The following PLCB1 variants were observed in gnomAD, a reference collection of about 807,000 sequenced individuals.
The protein encoded by PLCB1 is phospholipase C beta 1.
In PLCB1, 46 loss-of-function variants were observed where a neutral mutation model predicts 161.8. The ratio of observed to expected loss-of-function variants is 0.28; its 90% CI spans 0.22 to 0.36. The LOEUF is 0.36. Ranked by LOEUF, PLCB1 falls within the 10% of genes least tolerant of loss-of-function variation. The pLI is 1.00. For missense variants in PLCB1, 1,016 were observed against 1,472.5 expected (o/e 0.69, Z 5.07); for synonymous variants, 517 against 503.7 (o/e 1.03, Z -0.35).
intron 2 of PLCB1, among the ~76,000 whole-genome samples, chr20:8,344,210 A>G (rs537546720): frequency 1.6e-4 from 25 of 152,332 alleles, no homozygotes; most frequent in African/African-American, 5.8e-4. Flanking sequence ...CTTCAAGTGC[A>G]GTCCATAAAG....
At chr20:8,535,373 A>G (rs901415661) in intron 3 of PLCB1, among the ~76,000 whole-genome samples, 2 of 152,174 alleles carry the variant, frequency 1.3e-5, no homozygotes, top group African/African-American at 2.4e-5. Context: ...TCAGAAAACT[A>G]TAAGGCTTTT....
At chr20:8,714,106 C>T (rs1243548335) in intron 12 of PLCB1, among the ~76,000 whole-genome samples, 1 of 152,034 alleles carries the variant, frequency 6.6e-6, no homozygotes, top group African/African-American at 2.4e-5. Flanking sequence ...GCTGACTTAC[C>T]TTAATCAATC....
At chr20:8,705,998 A>G (rs1978649330) in intron 11 of PLCB1, among the ~76,000 whole-genome samples, 1 of 152,244 alleles carries the variant, frequency 6.6e-6, no homozygotes, top group African/African-American at 2.4e-5. Context: ...AAAGCAATAA[A>G]AAGACTGTCA....
chr20:8,405,855 T>A (rs1978763950), intron 3 of PLCB1, among the ~76,000 whole-genome samples: 1 of 152,204 alleles, frequency 6.6e-6, no homozygotes, highest in Non-Finnish European at 1.5e-5. Flanking sequence ...TTATTTATAA[T>A]CATTATATCC....
chr20:8,316,057 T>G (rs2122140316), intron 2 of PLCB1, among the ~76,000 whole-genome samples: 1 of 152,266 alleles, frequency 6.6e-6, no homozygotes, highest in East Asian at 1.9e-4. Flanking sequence ...ATCTTGGCAG[T>G]TTTACTCACC....
chr20:8,403,857 A>T (rs781121626), intron 3 of PLCB1, among the ~76,000 whole-genome samples: 1 of 152,202 alleles, frequency 6.6e-6, no homozygotes, highest in Non-Finnish European at 1.5e-5. Flanking sequence ...CAGGAGACTA[A>T]CCATATGGGA....
At chr20:8,302,503 TTATC>T (rs1306407540) in intron 2 of PLCB1, among the ~76,000 whole-genome samples, 13 of 152,326 alleles carry the variant, frequency 8.5e-5, no homozygotes, top group Admixed American at 2.0e-4. Flanking sequence ...TAATTATACT[TTATC>T]TAATGTCAGG....
At chr20:8,822,042 T>C (rs142588146) in intron 31 of PLCB1, among the ~76,000 whole-genome samples, 55 of 152,252 alleles carry the variant, frequency 3.6e-4, no homozygotes, top group African/African-American at 1.0e-3. Context: ...TCCTTTTTTT[T>C]TTCTTTTAAT....
At chr20:8,871,081 C>T (rs189530055) in intron 31 of PLCB1, among the ~76,000 whole-genome samples, 53 of 152,304 alleles carry the variant, frequency 3.5e-4, no homozygotes, top group Non-Finnish European at 6.2e-4. Flanking sequence ...TACCTTGTCA[C>T]TTTTAATGTG....
intron 23 of PLCB1, among the ~76,000 whole-genome samples, chr20:8,742,086 T>C (rs1021116886): frequency 4.7e-4 from 71 of 152,162 alleles, no homozygotes; most frequent in Admixed American, 4.6e-3. Context: ...CTGCAAATAA[T>C]TGATATATTA....
intron 2 of PLCB1, among the ~76,000 whole-genome samples, chr20:8,288,352 A>AT (rs1409963600): frequency 6.6e-6 from 1 of 152,138 alleles, no homozygotes; most frequent in East Asian, 1.9e-4. Flanking sequence ...AGAAGTTACT[A>AT]TTTTTTGTCA....
intron 1 of PLCB1, among the ~76,000 whole-genome samples, chr20:8,138,881 G>A (rs2051374265): frequency 6.6e-6 from 1 of 151,822 alleles, no homozygotes; most frequent in South Asian, 2.1e-4. Context: ...ATTTCAATTT[G>A]TATTCCAAAA....
intron 10 of PLCB1, among the ~76,000 whole-genome samples, chr20:8,689,865 C>T (rs1212566518): frequency 1.3e-5 from 2 of 149,158 alleles, no homozygotes; most frequent in Admixed American, 6.7e-5. Context: ...GGCATATTAA[C>T]AGCTAATCAG....
At chr20:8,752,799 A>C (rs1204932502) in intron 23 of PLCB1, among the ~76,000 whole-genome samples, 2 of 152,066 alleles carry the variant, frequency 1.3e-5, no homozygotes, top group African/African-American at 4.8e-5. Flanking sequence ...TCTCAAAAAA[A>C]AAAAAAAAAG....
intron 3 of PLCB1, among the ~76,000 whole-genome samples, chr20:8,571,378 A>G (rs6039199): frequency 0.1 from 15,869 of 152,148 alleles, 1,078 homozygotes; most frequent in African/African-American, 0.17. Context: ...GCTACTCGGG[A>G]AGCTGAGGCA....
chr20:8,770,008 A>G lies in PLCB1; in HGVS notation c.2931-4531A>G, dbSNP rs1161214281. ...CACTCTGTCATCCAGGCTGGAGTGC[A>G]GTGGTGCGATCTCGGCTCACTGCAA... On this transcript the variant is annotated intron_variant, in intron 26 of 31. Coordinates refer to ENST00000338037, the MANE Select transcript of PLCB1 (RefSeq NM_015192.4). Among the ~76,000 whole-genome samples the G allele has an allele frequency of 4.7e-5, 7 of 147,862 alleles. No individual in the cohort carries two copies. The East Asian group carries it at 1.4e-3, about 29-fold the overall frequency.
chr20:8,456,276 A>G (rs1248396567), intron 3 of PLCB1, among the ~76,000 whole-genome samples: 1 of 152,238 alleles, frequency 6.6e-6, no homozygotes, highest in Non-Finnish European at 1.5e-5. Flanking sequence ...AGCTTGTTAC[A>G]GGAGAGATGA....
chr20:8,728,828 T>G (rs1188626577), intron 17 of PLCB1, among the ~76,000 whole-genome samples: 1 of 152,100 alleles, frequency 6.6e-6, no homozygotes, highest in Non-Finnish European at 1.5e-5. Flanking sequence ...TTGATATTAC[T>G]GACAACAAAA....
At chr20:8,445,422 C>T (rs1485336616) in intron 3 of PLCB1, among the ~76,000 whole-genome samples, 1 of 151,896 alleles carries the variant, frequency 6.6e-6, no homozygotes, top group East Asian at 1.9e-4. Flanking sequence ...GTTTTGGTAC[C>T]AGTACCATGC....
Sources: allele counts gnomAD v4.1 joint callset (sites outside exome capture counted in the v4.1 genomes callset), GRCh38; gene constraint gnomAD v4.1.1; transcripts MANE v1.5; gene names NCBI Gene and HGNC (gene_info 2026-07-23, HGNC 2026-07-21).